The following WASF3 variants were observed in gnomAD, a reference collection of about 807,000 sequenced individuals.
WASF3 encodes actin-binding protein WASF3.
In WASF3, 11 loss-of-function variants were observed where a neutral mutation model predicts 46.6. The observed-to-expected ratio is 0.24, with a 90% CI of 0.15 to 0.39. The LOEUF is 0.39. WASF3 is among the 10% of genes least tolerant of loss of function. The pLI is 1.00. For synonymous variants in WASF3, 242 were observed against 259.7 expected, an observed-to-expected ratio of 0.93 and a Z score of 0.65; for missense variants, 576 against 669.8, an observed-to-expected ratio of 0.86 and a Z score of 1.55.
intron 2 of WASF3, among the ~76,000 whole-genome samples, chr13:26,621,317 A>G (rs1445251857): frequency 6.6e-6 from 1 of 152,174 alleles, no homozygotes; most frequent in Non-Finnish European, 1.5e-5. Context: ...CATCATGAAA[A>G]CACACTGAAT....
chr13:26,568,368 G>A (rs528546554), intron 1 of WASF3, among the ~76,000 whole-genome samples: 1 of 152,238 alleles, frequency 6.6e-6, no homozygotes, highest in African/African-American at 2.4e-5. Flanking sequence ...TAGTAGAATA[G>A]CAGAAGAAAG....
At chr13:26,557,326 C>T (rs1879121269), upstream of WASF3, among the ~76,000 whole-genome samples, 1 of 152,150 alleles carries the variant, frequency 6.6e-6, no homozygotes, top group Non-Finnish European at 1.5e-5. Flanking sequence ...CCTCAACACC[C>T]AGGGAGGATT....
chr13:26,670,574 G>A (rs986224901), intron 5 of WASF3, among the ~76,000 whole-genome samples: 6 of 152,138 alleles, frequency 3.9e-5, no homozygotes, highest in African/African-American at 1.4e-4. Flanking sequence ...CTTCATGAAG[G>A]TACTGGCTCC....
At chr13:26,560,112 C>T (rs1481518792) in intron 1 of WASF3, among the ~76,000 whole-genome samples, 1 of 152,074 alleles carries the variant, frequency 6.6e-6, no homozygotes, top group Non-Finnish European at 1.5e-5. Flanking sequence ...AGCCACCGCT[C>T]CCGGCCGAAT....
In WASF3 at chr13:26,679,682, A is replaced by G. The variant is rs556465823; in HGVS notation, c.717-1372A>G. 2.9e-4 allele frequency among the ~76,000 whole-genome samples: 44 copies of G among 152,334 alleles called. No individual in the cohort carries two copies. The Middle Eastern group carries it at 0.017, about 59-fold the overall frequency. The stretch of plus-strand genomic sequence containing the variant: ...GTCTCCAAGGGTTATAGGAATTTAC[A>G]TTTTTAAAATACTCTAAATCTAAAT... On this transcript the variant is annotated intron_variant, in intron 7 of 9. Transcript: ENST00000335327. The surrounding 1 kb of genome is among the most constrained non-coding windows in gnomAD (Gnocchi z 4.8).
chr13:26,563,852 A>T (rs577310519), intron 1 of WASF3, among the ~76,000 whole-genome samples: 1 of 150,034 alleles, frequency 6.7e-6, no homozygotes, highest in African/African-American at 2.5e-5. Flanking sequence ...GGTATTTCTC[A>T]TCTTTTAGGT....
chr13:26,636,446 C>T lies in WASF3; in HGVS notation c.-10-5815C>T, dbSNP rs118129061. The stretch of plus-strand genomic sequence containing the variant: ...TTCCCTTGACGAGGAAAGGGAAATC[C>T]CCTGACCCCTTGTGTTTCCTGGGTG... On this transcript the variant is annotated intron_variant, in intron 2 of 9. Coordinates refer to ENST00000335327, the MANE Select transcript of WASF3 (RefSeq NM_006646.6). Among the ~76,000 whole-genome samples the T allele has an allele frequency of 8.9e-3, 1,356 of 152,294 alleles. 10 individuals carry two copies. Among genetic ancestry groups the T allele is most frequent in the Middle Eastern group, 0.017 (5 of 294 alleles).
rs187121639 is a variant in WASF3, at chr13:26,603,726, G to T, written c.-108-9235G>T. 2.2e-3 allele frequency among the ~76,000 whole-genome samples: 335 copies of T among 152,254 alleles called. 8 individuals are homozygous for T. Among genetic ancestry groups the T allele is most frequent in the Non-Finnish European group, 3.5e-4 (24 of 68,020 alleles). ...ACCTCTTTTATACTTATTTATGATG[G>T]CCTGTGAACAACTTCAAGGATTTTC... On this transcript the variant is annotated intron_variant, in intron 1 of 9. Transcript: ENST00000335327.
intron 1 of WASF3, among the ~76,000 whole-genome samples, chr13:26,571,646 A>G (rs1250127589): frequency 6.6e-6 from 1 of 152,102 alleles, no homozygotes. Context: ...CTTTGTTTTA[A>G]TATTTGGAAA....
the WASF3 span, among the ~76,000 whole-genome samples, chr13:26,539,793 C>G: frequency 6.6e-6 from 1 of 152,178 alleles, no homozygotes; most frequent in Non-Finnish European, 1.5e-5. Flanking sequence ...GGGCCCAGCC[C>G]CCATTCCTGG....
intron 2 of WASF3, among the ~76,000 whole-genome samples, chr13:26,613,278 G>C (rs1463556684): frequency 6.6e-6 from 1 of 151,666 alleles, no homozygotes; most frequent in Non-Finnish European, 1.5e-5. Flanking sequence ...AAAAAAACTT[G>C]ATATATTCAC....
At chr13:26,683,122 T>C (rs1883293642) in intron 9 of WASF3, 148 bp downstream of exon 9, 1 of 1,183,508 alleles carries the variant, frequency 8.4e-7, no homozygotes, top group Non-Finnish European at 1.2e-6. Flanking sequence ...TTTTTTGTTT[T>C]GTTTTGAATA....
At chr13:26,599,776 G>T (rs1880592782) in intron 1 of WASF3, among the ~76,000 whole-genome samples, 1 of 152,134 alleles carries the variant, frequency 6.6e-6, no homozygotes, top group Admixed American at 6.5e-5. Flanking sequence ...CTTCCTGTAG[G>T]TTTCTTTGTG....
chr13:26,685,605 G>C, intron 9 of WASF3, 83 bp from the exon 10 acceptor site: 1 of 1,535,572 alleles, frequency 6.5e-7, no homozygotes, highest in Non-Finnish European at 8.9e-7. Flanking sequence ...AGAAAAAAAA[G>C]TCCAATAGAC....
At chr13:26,548,570 C>T in the WASF3 span, among the ~76,000 whole-genome samples, 1 of 152,192 alleles carries the variant, frequency 6.6e-6, no homozygotes, top group South Asian at 2.1e-4. Context: ...CTTCTTTTCC[C>T]CAGAGAGCTG....
At chr13:26,581,601 T>G (rs1021310921) in intron 1 of WASF3, among the ~76,000 whole-genome samples, 2 of 152,176 alleles carry the variant, frequency 1.3e-5, no homozygotes, top group African/African-American at 4.8e-5. Context: ...TGATTAAAGT[T>G]TTATTTTAAG....
In WASF3 at chr13:26,682,508, G is replaced by A. The variant is rs1212686941; in HGVS notation, c.984-99G>A. The A allele has an allele frequency of 8.5e-6, 12 of 1,415,146 alleles. No individual in the cohort carries two copies. The highest frequency in any genetic ancestry group is 4.8e-5 in the South Asian group (4 of 82,742). The allele number at this position is 1,415,146 out of a possible 1,614,324, so 87.7% of individuals were successfully genotyped here. On this transcript the variant is annotated intron_variant, in intron 8 of 9. Coordinates refer to ENST00000335327, the MANE Select transcript of WASF3 (RefSeq NM_006646.6). This position sits in a 1 kb window ranked among gnomAD's most constrained non-coding sequence, Gnocchi z 4.4. ...ATGATTGAAGTTCAGGTGACAATACGTGTTGTGTCTGGGGATGGCTCCGTT... is the reference window on the plus strand; with the variant it reads ...ATGATTGAAGTTCAGGTGACAATACATGTTGTGTCTGGGGATGGCTCCGTT...
At chr13:26,567,022 T>C (rs1879486672) in intron 1 of WASF3, among the ~76,000 whole-genome samples, 2 of 152,224 alleles carry the variant, frequency 1.3e-5, no homozygotes, top group Admixed American at 1.3e-4. Flanking sequence ...TTGAAAGGTG[T>C]AGTAGGTGAT....
Position 26,601,457 on chromosome 13 carries a change from A to G in WASF3, c.-108-11504A>G, listed in dbSNP as rs193292111. Among the ~76,000 whole-genome samples the G allele has an allele frequency of 5.2e-3, 795 of 152,330 alleles. 3 individuals are homozygous for G. Among genetic ancestry groups the G allele is most frequent in the Non-Finnish European group, 7.0e-3 (478 of 68,034 alleles). ...TTGGGCTCTTCTAGACTTTGAAAGAAGCATCTTGTCACTGGAGTATGGATG... is the reference window on the plus strand; with the variant it reads ...TTGGGCTCTTCTAGACTTTGAAAGAGGCATCTTGTCACTGGAGTATGGATG... On this transcript the variant is annotated intron_variant, in intron 1 of 9. Coordinates refer to ENST00000335327, the MANE Select transcript of WASF3 (RefSeq NM_006646.6).
Sources: allele counts gnomAD v4.1 joint callset (sites outside exome capture counted in the v4.1 genomes callset), GRCh38; gene constraint gnomAD v4.1.1; non-coding constraint Gnocchi (gnomAD v3.1); transcripts MANE v1.5; gene names NCBI Gene and HGNC (gene_info 2026-07-23, HGNC 2026-07-21).